TUSC3: variants seen among roughly 807,000 people sequenced by gnomAD.
TUSC3 encodes tumor suppressor candidate 3.
In TUSC3, 45 loss-of-function variants were observed where a neutral mutation model predicts 44.8. That is an observed-to-expected ratio of 1.00 (90% CI 0.79 to 1.29). The LOEUF is 1.29. Ranked by LOEUF, TUSC3 falls within the 50% of genes most tolerant of loss-of-function variation. TUSC3 has a pLI of 0.00. For missense variants in TUSC3, 519 were observed against 437.9 expected (o/e 1.19, Z -1.65); for synonymous variants, 212 against 152.9 (o/e 1.39, Z -2.85).
the TUSC3 span, among the ~76,000 whole-genome samples, chr8:15,823,808 A>AT: frequency 0.6 from 91,645 of 151,936 alleles, 29,048 homozygotes; most frequent in Non-Finnish European, 0.73. Flanking sequence ...TGAGTTAACG[A>AT]TAACACCTGT....
intron 1 of TUSC3, among the ~76,000 whole-genome samples, chr8:15,448,753 G>A (rs13272139): frequency 0.53 from 80,838 of 151,976 alleles, 25,071 homozygotes; most frequent in East Asian, 0.69. Flanking sequence ...AGATATTTAT[G>A]CATTGTAAAC....
At chr8:15,480,167 C>G (rs1400026359) in intron 1 of TUSC3, among the ~76,000 whole-genome samples, 1 of 152,116 alleles carries the variant, frequency 6.6e-6, no homozygotes, top group African/African-American at 2.4e-5. Context: ...CGCCACTGCT[C>G]AAGGAAATAG....
At chr8:15,432,772 G>T (rs1392040314) in intron 1 of TUSC3, among the ~76,000 whole-genome samples, 1 of 152,024 alleles carries the variant, frequency 6.6e-6, no homozygotes, top group Non-Finnish European at 1.5e-5. Context: ...CTTAGGTGAG[G>T]CAGGATAGCT....
intron 2 of TUSC3, among the ~76,000 whole-genome samples, chr8:15,531,605 C>T (rs1234279430): frequency 6.6e-6 from 1 of 152,212 alleles, no homozygotes; most frequent in African/African-American, 2.4e-5. Context: ...TTGGTCTCTT[C>T]TTCTGCCTTA....
At chr8:15,760,382 A>G (rs978494350) in intron 10 of TUSC3, among the ~76,000 whole-genome samples, 1 of 152,192 alleles carries the variant, frequency 6.6e-6, no homozygotes, top group Non-Finnish European at 1.5e-5. Flanking sequence ...ACTACATTCT[A>G]CAATATATAT....
chr8:15,678,418 G>A (rs1199776603), intron 6 of TUSC3, among the ~76,000 whole-genome samples: 2 of 151,648 alleles, frequency 1.3e-5, no homozygotes, highest in African/African-American at 4.8e-5. Context: ...GATTCCAAAG[G>A]AGAGGAAAAA....
intron 1 of TUSC3, among the ~76,000 whole-genome samples, chr8:15,542,409 G>C (rs544800029): frequency 6.6e-6 from 1 of 152,098 alleles, no homozygotes; most frequent in East Asian, 1.9e-4. Flanking sequence ...CAAGAAGAAG[G>C]AGGGTATAAT....
At chr8:15,797,853 G>A in the TUSC3 span, among the ~76,000 whole-genome samples, 4 of 152,140 alleles carry the variant, frequency 2.6e-5, no homozygotes, top group Admixed American at 2.6e-4. Flanking sequence ...TGACGTGTTG[G>A]GAGCAATAAC....
chr8:15,703,750 C>T (rs933201672), intron 6 of TUSC3, among the ~76,000 whole-genome samples: 24 of 152,142 alleles, frequency 1.6e-4, no homozygotes, highest in African/African-American at 4.3e-4. Context: ...AGAACTCATT[C>T]ATTACTGGGA....
the TUSC3 span, among the ~76,000 whole-genome samples, chr8:15,817,042 A>T: frequency 6.6e-6 from 1 of 152,206 alleles, no homozygotes; most frequent in East Asian, 1.9e-4. Context: ...TTGCTTTTTA[A>T]AAAAAAATCA....
chr8:15,457,819 A>C (rs1800277865), intron 1 of TUSC3, among the ~76,000 whole-genome samples: 1 of 56,838 alleles, frequency 1.8e-5, no homozygotes, highest in South Asian at 3.9e-4. Context: ...TTTATTAGAT[A>C]ATTAATTATT....
intron 2 of TUSC3, among the ~76,000 whole-genome samples, chr8:15,523,688 G>A (rs551517923): frequency 0.079 from 3,791 of 47,788 alleles, 227 homozygotes; most frequent in African/African-American, 0.13. Context: ...GTGTGTGTGT[G>A]TGTGTGTGTG....
chr8:15,436,890 C>A (rs1216083686), intron 1 of TUSC3, among the ~76,000 whole-genome samples: 1 of 152,110 alleles, frequency 6.6e-6, no homozygotes, highest in East Asian at 1.9e-4. Context: ...TAGGGCAGTG[C>A]ATATTTTTTA....
chr8:15,822,299 T>C, the TUSC3 span, among the ~76,000 whole-genome samples: 10 of 152,158 alleles, frequency 6.6e-5, no homozygotes, highest in African/African-American at 2.4e-4. Flanking sequence ...GTAGACTTCA[T>C]AAGGAAGAGA....
the TUSC3 span, among the ~76,000 whole-genome samples, chr8:15,780,417 G>A: frequency 6.6e-6 from 1 of 152,096 alleles, no homozygotes; most frequent in Non-Finnish European, 1.5e-5. Context: ...TGGAACAAAG[G>A]GGACTAGGCA....
rs760822490 is a variant in TUSC3 at position 15,540,436 on chromosome 8, G to C, written c.6G>C (p.Gly2=). Residue 2 remains glycine (G), a synonymous_variant, in exon 1 of 11, where the codon GGG becomes GGC. Coordinates refer to ENST00000503731, the MANE Select transcript of TUSC3 (RefSeq NM_006765.4). The part of the protein sequence containing the change: M[G]ARGAPSRRRQ... ...GGAGACACTGCCCTGCCGCGATGGG[G>C]GCCCGGGGCGCTCCTTCACGCCGTA... The C allele has an allele frequency of 1.1e-5, 18 of 1,592,186 alleles. No individual in the cohort carries two copies. The highest frequency in any genetic ancestry group is 1.4e-5 in the Non-Finnish European group (16 of 1,170,644).
the TUSC3 span, among the ~76,000 whole-genome samples, chr8:15,801,169 T>C: frequency 6.6e-6 from 1 of 152,206 alleles, no homozygotes; most frequent in African/African-American, 2.4e-5. Flanking sequence ...TTAATGGTTA[T>C]TTCTTGATTA....
chr8:15,716,845 G>T (rs1374178358), intron 6 of TUSC3, among the ~76,000 whole-genome samples: 1 of 151,384 alleles, frequency 6.6e-6, no homozygotes, highest in Admixed American at 6.6e-5. Context: ...CGATTTTTTT[G>T]AGTTTAAGTG....
chr8:15,846,761 C>T, the TUSC3 span, among the ~76,000 whole-genome samples: 4 of 151,766 alleles, frequency 2.6e-5, no homozygotes, highest in African/African-American at 9.7e-5. Flanking sequence ...GGAGAATTAC[C>T]TAATGTAGAT....
Sources: gnomAD v4.1 joint callset for allele counts (sites outside exome capture counted in the v4.1 genomes callset) on GRCh38, gnomAD v4.1.1 for gene constraint, MANE v1.5 for transcripts, NCBI Gene and HGNC (gene_info 2026-07-23, HGNC 2026-07-21) for gene names.